The following LAMA5 variants were observed in gnomAD, a reference collection of about 807,000 sequenced individuals.
LAMA5 encodes the protein laminin subunit alpha 5.
In LAMA5, 260 loss-of-function variants were observed where a neutral mutation model predicts 433.4. The observed-to-expected ratio is 0.60, with a 90% CI of 0.54 to 0.66. The LOEUF is 0.66. Among genes scored for constraint, LAMA5 ranks in the 30% least tolerant of loss-of-function variants. LAMA5 has a pLI of 0.00. For synonymous variants in LAMA5, 2,620 were observed against 2,226.6 expected (o/e 1.18, Z -4.97); for missense variants, 5,378 against 5,258.5 (o/e 1.02, Z -0.70).
chr20:62,315,247 G>A (rs1986817492), intron 58 of LAMA5, 40 bp from the exon 59 acceptor site: 8 of 1,531,344 alleles, frequency 5.2e-6, no homozygotes, highest in Non-Finnish European at 7.1e-6. Flanking sequence ...GGGCCAGCGG[G>A]GACCATCCTG....
In LAMA5 at chr20:62,313,477, G is replaced by C. The variant is rs765646174; in HGVS notation, c.8659-17C>G. The C allele has an allele frequency of 3.8e-6, 6 of 1,589,956 alleles. No individual in the cohort carries two copies. Among genetic ancestry groups the C allele is most frequent in the Non-Finnish European group, 5.1e-6 (6 of 1,169,460 alleles). On this transcript the variant is annotated splice_polypyrimidine_tract_variant and intron_variant, in intron 63 of 79. Coordinates refer to ENST00000252999, the MANE Select transcript of LAMA5 (RefSeq NM_005560.6). ...GGGAGGGGGCTGTGGGCACAGGGCT[G>C]GGTCAGGGCACCTGGCCTGAGGCGC...
chr20:62,320,451 T>C (rs1987560639), intron 50 of LAMA5, 108 bp downstream of exon 50: 2 of 811,922 alleles, frequency 2.5e-6, no homozygotes, highest in Admixed American at 2.2e-5. Flanking sequence ...TCCCCTGCAC[T>C]GACACATGTA....
Position 62,312,212 on chromosome 20 carries a change from G to A in LAMA5, c.9465C>T (p.Ser3155=), listed in dbSNP as rs145840666. The change falls in exon 69 of 80, where the codon AGC becomes AGT. Residue 3155 remains serine (S), a synonymous_variant. Coordinates refer to ENST00000252999, the MANE Select transcript of LAMA5 (RefSeq NM_005560.6). ...AGTAGAGCAGGGCACTGTCCTGGGCGCTGTGGAAGCCGAAGCCGGAGTAGA... is the reference window on the plus strand; with the variant it reads ...AGTAGAGCAGGGCACTGTCCTGGGCACTGTGGAAGCCGAAGCCGGAGTAGA... The part of the protein sequence containing the change: ...GNVYSGFGFH[S]AQDSALLYYR... The A allele has an allele frequency of 6.9e-4, 1,106 of 1,610,418 alleles. 3 individuals are homozygous for A. The African/African-American group carries it at 8.3e-3, about 12-fold the overall frequency.
chr20:62,336,627 A>G, intron 17 of LAMA5, 107 bp downstream of exon 17: 2 of 1,387,108 alleles, frequency 1.4e-6, no homozygotes, highest in Non-Finnish European at 2.0e-6. Flanking sequence ...TGGGGTTGCC[A>G]TGGCAACTGA....
intron 52 of LAMA5, 25 bp downstream of exon 52, chr20:62,318,818 G>A (rs199728786): frequency 1.7e-5 from 27 of 1,607,406 alleles, no homozygotes; most frequent in East Asian, 1.1e-4. Context: ...TCCCCACCCC[G>A]CCTGCCAGGG....
chr20:62,355,543 C>T (rs548408279), intron 2 of LAMA5: 1 of 152,448 alleles, frequency 6.6e-6, no homozygotes, highest in East Asian at 1.9e-4. Flanking sequence ...TCTCGGAGGG[C>T]TTGGCGTTGC....
In LAMA5 at chr20:62,332,615, G is replaced by GCACGGC; in HGVS notation, c.3379_3384dup (p.Ala1127_Val1128dup). ...TGCTGGGGGGCCCGCTGTGGGGTGT[G>GCACGGC]CACGGCCACGCCCACCTCCTGGCGG... On this transcript the variant is annotated inframe_insertion, in exon 27 of 80. Coordinates refer to ENST00000252999, the MANE Select transcript of LAMA5 (RefSeq NM_005560.6). 1 of 1,604,226 alleles carries GCACGGC rather than the reference G, an allele frequency of 6.2e-7. No homozygotes were observed. The highest frequency in any genetic ancestry group is 8.5e-7 in the Non-Finnish European group (1 of 1,175,644).
chr20:62,340,320 T>TTG (rs1982399376), intron 11 of LAMA5, among the ~76,000 whole-genome samples: 1 of 146,046 alleles, frequency 6.8e-6, no homozygotes, highest in Non-Finnish European at 1.5e-5. Flanking sequence ...TTTTTTTTTT[T>TTG]TTTTTTTTGA....
rs1367627818 is a variant in LAMA5, at chr20:62,345,892, C to T, written c.1418-15G>A. On this transcript the variant is annotated splice_polypyrimidine_tract_variant and intron_variant, in intron 10 of 79. Coordinates refer to ENST00000252999, the MANE Select transcript of LAMA5 (RefSeq NM_005560.6). ...CGAGGGCGTCGCTGAGGGGAAGAGA[C>T]ACGCATGTTGGCCAGGTCTGCTCAG... 6.4e-7 allele frequency: 1 copy of T among 1,556,208 alleles called. No individual in the cohort carries two copies. The highest frequency in any genetic ancestry group is 8.7e-7 in the Non-Finnish European group (1 of 1,149,806).
chr20:62,314,721 T>C lies in LAMA5; in HGVS notation c.8201A>G (p.Lys2734Arg), dbSNP rs139806020. 3.1e-6 allele frequency: 5 copies of C among 1,612,394 alleles called. No individual in the cohort carries two copies. In the African/African-American group the frequency reaches 5.3e-5, roughly 17 times the overall value. ...GCGCCCGTTGAACTTCATGGGCACC[T>C]TGACCTGCGGGGCACGGTCCATCAG... is the stretch of plus-strand genomic sequence containing the variant. Reference protein sequence around the residue: ...AQARGAASKVKVPMKFNGRSG... With the variant: ...AQARGAASKVRVPMKFNGRSG... Residue 2734 changes from lysine (K) to arginine (R), a missense_variant, in exon 61 of 80, where the codon AAG (lysine) becomes AGG (arginine). By Grantham distance (26) the Lys-to-Arg change is conservative. Coordinates refer to ENST00000252999, the MANE Select transcript of LAMA5 (RefSeq NM_005560.6).
chr20:62,309,245 T>C lies in LAMA5; in HGVS notation c.*91A>G, dbSNP rs45621434. On this transcript the variant is annotated 3_prime_UTR_variant, in exon 80 of 80. Transcript: ENST00000252999. ...AAACAAGATCTGTCACCCGTAGAGC[T>C]TAGAGTCCAAATAGACACCTATGAG... The C allele has an allele frequency of 0.02, 26,128 of 1,285,244 alleles. 328 individuals are homozygous for C. Among genetic ancestry groups the C allele is most frequent in the Non-Finnish European group, 0.024 (22,467 of 940,824 alleles). The allele number at this position is 1,285,244 out of a possible 1,614,324, so 79.6% of individuals were successfully genotyped here.
intron 11 of LAMA5, among the ~76,000 whole-genome samples, chr20:62,342,010 G>A (rs1297165208): frequency 6.6e-6 from 1 of 152,154 alleles, no homozygotes; most frequent in African/African-American, 2.4e-5. Flanking sequence ...CTTAAGATGA[G>A]GAAGAAAACT....
chr20:62,338,227 C>A lies in LAMA5; in HGVS notation c.1756+5G>T. 1 of 1,589,820 alleles carries A rather than the reference C, an allele frequency of 6.3e-7. No homozygotes were observed. Among genetic ancestry groups the A allele is most frequent in the Non-Finnish European group, 8.6e-7 (1 of 1,166,510 alleles). On this transcript the variant is annotated splice_donor_5th_base_variant and intron_variant, in intron 13 of 79. Transcript: ENST00000252999. ...CCCACGCCCACGTGGAGAGGCACCA[C>A]TCACACTGGCAGAGAGGGAAGTGAA...
chr20:62,325,295 C>A, intron 41 of LAMA5, 21 bp downstream of exon 41: 2 of 1,517,140 alleles, frequency 1.3e-6, no homozygotes, highest in South Asian at 2.5e-5. Context: ...GCCTCGCAGT[C>A]TGGTGCTGTC....
At position 62,310,555 on chromosome 20, in the gene LAMA5, G is replaced by T. The variant is rs201356478; in HGVS notation, c.10464C>A (p.Ser3488Arg). The T allele has an allele frequency of 1.3e-6, 2 of 1,548,424 alleles. No homozygotes were observed. The highest frequency in any genetic ancestry group is 4.5e-5 in the East Asian group (2 of 44,446). ...GCAGCCTCAGTCTCTTCACACAGCC[G>T]CTGAACCCGACGGTCACCTATAGGA... ...SSKLPVTVGF[S>R]GCVKRLRLHG... Residue 3488 changes from serine (S) to arginine (R), a missense_variant, in exon 76 of 80, where the codon AGC (serine) becomes AGA (arginine). Coordinates refer to ENST00000252999, the MANE Select transcript of LAMA5 (RefSeq NM_005560.6).
Position 62,310,884 on chromosome 20 carries a change from CT to C in LAMA5, c.10281+17del. On this transcript the variant is annotated intron_variant, in intron 74 of 79. Transcript: ENST00000252999. The stretch of plus-strand genomic sequence containing the variant: ...CTGCCAGGCCCTGCCCACCACCTTC[CT>C]TCTTCTCGGCCCTCACCTTGTGCCA... The C allele has an allele frequency of 6.2e-7, 1 of 1,608,308 alleles. No individual in the cohort carries two copies. The highest frequency in any genetic ancestry group is 8.5e-7 in the Non-Finnish European group (1 of 1,178,306).
chr20:62,361,790 C>A (rs1402108548), intron 2 of LAMA5, among the ~76,000 whole-genome samples: 1 of 152,206 alleles, frequency 6.6e-6, no homozygotes, highest in Non-Finnish European at 1.5e-5. Context: ...TCTGGGGGTG[C>A]TCAGGGCTGG....
chr20:62,346,846 G>T, intron 7 of LAMA5, 46 bp from the exon 8 acceptor site: 1 of 1,604,404 alleles, frequency 6.2e-7, no homozygotes, highest in Non-Finnish European at 8.5e-7. Context: ...CCACAGGCCC[G>T]GGCACCGGGG....
At chr20:62,363,557 G>C (rs1198696196) in intron 1 of LAMA5, among the ~76,000 whole-genome samples, 1 of 152,126 alleles carries the variant, frequency 6.6e-6, no homozygotes, top group Non-Finnish European at 1.5e-5. Flanking sequence ...GGGATGAGGA[G>C]AGGGGGCAGA....
Sources: allele counts gnomAD v4.1 joint callset (sites outside exome capture counted in the v4.1 genomes callset), GRCh38; gene constraint gnomAD v4.1.1; transcripts MANE v1.5; gene names NCBI Gene and HGNC (gene_info 2026-07-23, HGNC 2026-07-21).